Variants in GRIN2A observed in about 807,000 individuals in gnomAD.
GRIN2A encodes the protein glutamate receptor ionotropic, NMDA 2A.
GRIN2A carries 22 observed loss-of-function variants against 113.4 expected under a neutral mutation model. That is an observed-to-expected ratio of 0.19 (90% CI 0.14 to 0.28). GRIN2A has a LOEUF of 0.28. Among genes scored for constraint, GRIN2A ranks in the 10% least tolerant of loss-of-function variants. The pLI is 1.00. For synonymous variants in GRIN2A, 827 were observed against 738.4 expected (o/e 1.12, Z -1.94); for missense variants, 1,502 against 1,887.0 (o/e 0.80, Z 3.78).
intron 2 of GRIN2A, among the ~76,000 whole-genome samples, chr16:10,087,328 G>A (rs956782210): frequency 2.0e-5 from 3 of 152,188 alleles, no homozygotes; most frequent in Non-Finnish European, 4.4e-5. Flanking sequence ...CTGGACAATT[G>A]GAATCCTCGC....
intron 9 of GRIN2A, among the ~76,000 whole-genome samples, chr16:9,822,707 G>C (rs909717565): frequency 2.6e-5 from 4 of 152,106 alleles, no homozygotes; most frequent in Admixed American, 2.6e-4. Flanking sequence ...TGCTCCATAG[G>C]TATTTGTTGA....
At chr16:10,110,787 C>G (rs2048598121) in intron 2 of GRIN2A, among the ~76,000 whole-genome samples, 1 of 152,166 alleles carries the variant, frequency 6.6e-6, no homozygotes, top group African/African-American at 2.4e-5. Flanking sequence ...TGTCAGTGGC[C>G]TTAGAAGCCA....
chr16:10,036,449 C>CTTTTTTTTTTTTTTTTTT lies in GRIN2A; in HGVS notation c.415-97916_415-97899dup, dbSNP rs369821921. Among the ~76,000 whole-genome samples the CTTTTTTTTTTTTTTTTTT allele has an allele frequency of 1.3e-3, 60 of 46,004 alleles. 7 individuals are homozygous for CTTTTTTTTTTTTTTTTTT. The highest frequency in any genetic ancestry group is 1.9e-3 in the Non-Finnish European group (51 of 27,090). 30.2% of individuals were successfully genotyped at this position (46,004 alleles called of 152,430 possible). ...ATATTAGTACTTACTTTTTTTTTTT[C>CTTTTTTTTTTTTTTTTTT]TTTTTTTTTTTTTTTTTTTTTTTTT... On this transcript the variant is annotated intron_variant, in intron 2 of 12. Coordinates refer to ENST00000330684, the MANE Select transcript of GRIN2A (RefSeq NM_001134407.3).
Position 9,760,418 on chromosome 16 carries a change from AAG to A in GRIN2A, c.*2729_*2730del, listed in dbSNP as rs1900533322. On this transcript the variant is annotated 3_prime_UTR_variant, in exon 13 of 13. Coordinates refer to ENST00000330684, the MANE Select transcript of GRIN2A (RefSeq NM_001134407.3). ...TTTTTTGCTTGGGATCATCACATTG[AAG>A]AGTCATTGAATTAGTAGAGAAGGGA... 2 of 142,080 alleles carry A rather than the reference AAG, an allele frequency of 1.4e-5. No homozygotes were observed. The highest frequency in any genetic ancestry group is 6.4e-5 in the African/African-American group (2 of 31,482). The allele number at this position is 142,080 out of a possible 1,614,324, so 8.8% of individuals were successfully genotyped here.
Position 9,834,474 on chromosome 16 carries a change from C to G in GRIN2A, c.1652-244G>C, listed in dbSNP as rs948706892. Among the ~76,000 whole-genome samples the G allele has an allele frequency of 5.3e-5, 8 of 152,278 alleles. No homozygotes were observed. The East Asian group carries it at 1.2e-3, about 22-fold the overall frequency. On this transcript the variant is annotated intron_variant, in intron 7 of 12. Coordinates refer to ENST00000330684, the MANE Select transcript of GRIN2A (RefSeq NM_001134407.3). ...TCGACTTGCTGCAACCTCCGCCCCCCAGGTTCAAGCAATTCTCCTGCCTCA... is the reference window on the plus strand; with the variant it reads ...TCGACTTGCTGCAACCTCCGCCCCCGAGGTTCAAGCAATTCTCCTGCCTCA...
intron 3 of GRIN2A, among the ~76,000 whole-genome samples, chr16:9,936,766 T>C (rs1229695116): frequency 6.6e-6 from 1 of 152,042 alleles, no homozygotes; most frequent in Non-Finnish European, 1.5e-5. Flanking sequence ...ACTTAGAATA[T>C]AAGAAGGGAA....
At chr16:9,895,361 T>C (rs1394584518) in intron 3 of GRIN2A, among the ~76,000 whole-genome samples, 3 of 152,166 alleles carry the variant, frequency 2.0e-5, no homozygotes, top group Non-Finnish European at 4.4e-5. Context: ...TGAAACATCA[T>C]GATGTGTTCA....
chr16:9,847,322 C>T lies in GRIN2A; in HGVS notation c.1328+2434G>A, dbSNP rs189566301. On this transcript the variant is annotated intron_variant, in intron 5 of 12. Transcript: ENST00000330684. ...CTATAATCCCAGTGACTCAGGAGGC[C>T]AAGGCATGAGGATCACTTAAGGCCA... Among the ~76,000 whole-genome samples, 545 of 151,892 alleles carry T rather than the reference C, an allele frequency of 3.6e-3. 1 individual carries two copies. The highest frequency in any genetic ancestry group is 5.1e-3 in the Non-Finnish European group (350 of 67,984).
chr16:10,156,813 C>G (rs2049707769), intron 2 of GRIN2A, among the ~76,000 whole-genome samples: 1 of 152,130 alleles, frequency 6.6e-6, no homozygotes. Flanking sequence ...TTCATTCGAT[C>G]CTAATAAGAA....
In GRIN2A at chr16:9,757,373, T is replaced by TA. The variant is rs202247656; in HGVS notation, c.*5775dup. 39 of 217,198 alleles carry TA rather than the reference T, an allele frequency of 1.8e-4. No individual in the cohort carries two copies. Among genetic ancestry groups the TA allele is most frequent in the East Asian group, 3.4e-4 (5 of 14,574 alleles). 13.5% of individuals were successfully genotyped at this position (217,198 alleles called of 1,614,324 possible). On this transcript the variant is annotated 3_prime_UTR_variant, in exon 13 of 13. Coordinates refer to ENST00000330684, the MANE Select transcript of GRIN2A (RefSeq NM_001134407.3). ...TAGGGAAGGACTTTTTTTTTTTTTT[T>TA]AAAAAAGGTATGCTCATAGAATCAG...
chr16:10,158,506 A>T (rs1466604893), intron 2 of GRIN2A, among the ~76,000 whole-genome samples: 6 of 152,256 alleles, frequency 3.9e-5, no homozygotes, highest in Non-Finnish European at 8.8e-5. Context: ...TAGCTAACAG[A>T]TGGAAACAGC....
At chr16:10,163,153 G>T (rs78964394) in intron 2 of GRIN2A, among the ~76,000 whole-genome samples, 2 of 152,146 alleles carry the variant, frequency 1.3e-5, no homozygotes, top group African/African-American at 4.8e-5. Context: ...TCTTGCCCTA[G>T]AAGACAGGGA....
intron 2 of GRIN2A, among the ~76,000 whole-genome samples, chr16:9,949,037 TA>T (rs1211856081): frequency 6.6e-6 from 1 of 152,058 alleles, no homozygotes; most frequent in Non-Finnish European, 1.5e-5. Context: ...AACTGAAAGG[TA>T]GGGGACTAAT....
chr16:9,937,531 G>C (rs1979849), intron 3 of GRIN2A, among the ~76,000 whole-genome samples: 111,928 of 152,052 alleles, frequency 0.74, 42,841 homozygotes, highest in African/African-American at 0.88. Flanking sequence ...AAATTAACTC[G>C]TAAATTCCTA....
intron 2 of GRIN2A, among the ~76,000 whole-genome samples, chr16:9,984,227 G>A (rs1033096685): frequency 7.0e-4 from 75 of 106,482 alleles, no homozygotes; most frequent in African/African-American, 9.4e-4. Context: ...ATTTTTAATC[G>A]GATTTTTTTT....
chr16:9,782,271 G>A (rs569707712), intron 11 of GRIN2A, among the ~76,000 whole-genome samples: 2 of 152,128 alleles, frequency 1.3e-5, no homozygotes, highest in East Asian at 3.9e-4. Flanking sequence ...TATTGCATTA[G>A]GTATTATAAG....
intron 11 of GRIN2A, among the ~76,000 whole-genome samples, chr16:9,796,205 A>G (rs1902972169): frequency 1.3e-5 from 2 of 152,228 alleles, no homozygotes; most frequent in South Asian, 4.1e-4. Context: ...CTTATTTGAC[A>G]GATACCTATC....
intron 7 of GRIN2A, among the ~76,000 whole-genome samples, chr16:9,835,880 G>A (rs2042576483): frequency 6.6e-6 from 1 of 152,156 alleles, no homozygotes; most frequent in Non-Finnish European, 1.5e-5. Context: ...AAGCTGGGAG[G>A]AATGCTTTCT....
At chr16:10,098,628 T>C (rs1398485501) in intron 2 of GRIN2A, among the ~76,000 whole-genome samples, 1 of 152,098 alleles carries the variant, frequency 6.6e-6, no homozygotes, top group Non-Finnish European at 1.5e-5. Flanking sequence ...AACTCAGCCT[T>C]AAAAAGGAAT....
Sources: allele counts gnomAD v4.1 joint callset (sites outside exome capture counted in the v4.1 genomes callset), GRCh38; gene constraint gnomAD v4.1.1; transcripts MANE v1.5; gene names NCBI Gene and HGNC (gene_info 2026-07-23, HGNC 2026-07-21).